Variants in SV2C observed in about 807,000 individuals in gnomAD.
SV2C encodes solute carrier family 22 member B3.
SV2C carries 49 observed loss-of-function variants against 79.7 expected under a neutral mutation model. The observed-to-expected ratio is 0.61, with a 90% CI of 0.49 to 0.78. The LOEUF (loss-of-function observed/expected upper bound fraction) is 0.78. Among genes scored for constraint, SV2C ranks in the 30% least tolerant of loss-of-function variants. SV2C has a pLI of 0.00. For missense variants in SV2C, 833 were observed against 912.9 expected (o/e 0.91, Z 1.13); for synonymous variants, 334 against 333.2 (o/e 1.00, Z -0.03).
intron 2 of SV2C, among the ~76,000 whole-genome samples, chr5:76,177,302 G>A (rs991449509): frequency 2.6e-5 from 4 of 150,988 alleles, no homozygotes; most frequent in Admixed American, 6.6e-5. Flanking sequence ...TTTCAGCAGT[G>A]TTTTGGGAAG....
Position 76,327,045 on chromosome 5 carries a change from G to A in SV2C, c.*1498G>A, listed in dbSNP as rs3733861. 0.24 allele frequency: 35,856 copies of A among 152,018 alleles called. 4,526 individuals carry two copies. The highest frequency in any genetic ancestry group is 0.42 in the East Asian group (2,171 of 5,154). 9.4% of individuals were successfully genotyped at this position (152,018 alleles called of 1,614,324 possible). ...TTGTTACTTATTATAGGCATTTTCA[G>A]GCAAGCCATAGCTTGGGGCCTCCAG... On this transcript the variant is annotated 3_prime_UTR_variant, in exon 13 of 13. Coordinates refer to ENST00000502798, the MANE Select transcript of SV2C (RefSeq NM_014979.4).
the SV2C span, among the ~76,000 whole-genome samples, chr5:76,032,746 C>T: frequency 2.6e-5 from 4 of 152,174 alleles, no homozygotes; most frequent in African/African-American, 9.7e-5. Context: ...GATTTATAAT[C>T]CTTTGGGTAT....
At chr5:75,954,849 A>C in the SV2C span, among the ~76,000 whole-genome samples, 6 of 142,854 alleles carry the variant, frequency 4.2e-5, no homozygotes, top group African/African-American at 8.6e-5. Flanking sequence ...GATGTGAAGG[A>C]CCTCTTCAAG....
At chr5:76,025,443 A>T in the SV2C span, among the ~76,000 whole-genome samples, 1 of 152,226 alleles carries the variant, frequency 6.6e-6, no homozygotes, top group African/African-American at 2.4e-5. Flanking sequence ...GCAGAAGGAA[A>T]TAAGGCTTTT....
At chr5:76,140,877 G>A (rs1243996933) in intron 2 of SV2C, among the ~76,000 whole-genome samples, 1 of 152,050 alleles carries the variant, frequency 6.6e-6, no homozygotes, top group Non-Finnish European at 1.5e-5. Flanking sequence ...TGTTGTGTAT[G>A]CACCCTCTGT....
intron 1 of SV2C, among the ~76,000 whole-genome samples, chr5:76,118,457 C>A (rs942295304): frequency 9.2e-5 from 14 of 152,110 alleles, no homozygotes; most frequent in African/African-American, 2.9e-4. Flanking sequence ...TACTACAAAC[C>A]TCAATACAAA....
intron 12 of SV2C, among the ~76,000 whole-genome samples, chr5:76,308,005 C>T (rs1748265145): frequency 6.6e-6 from 1 of 152,188 alleles, no homozygotes; most frequent in Non-Finnish European, 1.5e-5. Flanking sequence ...ATTCTAACAT[C>T]TCTGTCATAT....
At chr5:75,920,807 A>C in the SV2C span, 1 of 772,216 alleles carries the variant, frequency 1.3e-6, no homozygotes, top group Non-Finnish European at 2.4e-6. Context: ...GGGACTTGCC[A>C]GGCGAGACGT....
chr5:76,086,641 T>TAG, intron 1 of SV2C, among the ~76,000 whole-genome samples: 1 of 118,646 alleles, frequency 8.4e-6, no homozygotes, highest in Non-Finnish European at 1.7e-5. Context: ...GCCCCTGGCA[T>TAG]ATATAGTTTT....
chr5:75,968,818 T>C, the SV2C span, among the ~76,000 whole-genome samples: 3 of 152,048 alleles, frequency 2.0e-5, no homozygotes, highest in Non-Finnish European at 4.4e-5. Context: ...TCAGGAAATA[T>C]AGAGAACACC....
chr5:76,284,005 G>A (rs959354292), intron 4 of SV2C, among the ~76,000 whole-genome samples: 1 of 152,140 alleles, frequency 6.6e-6, no homozygotes, highest in South Asian at 2.1e-4. Flanking sequence ...TCACAAAAAG[G>A]CATATAAATA....
chr5:76,292,516 C>G (rs1223573825), intron 8 of SV2C, among the ~76,000 whole-genome samples: 1 of 152,150 alleles, frequency 6.6e-6, no homozygotes, highest in East Asian at 1.9e-4. Context: ...TGCCATCCAC[C>G]TATATTCCAA....
At chr5:76,151,073 A>G (rs762620731) in intron 2 of SV2C, among the ~76,000 whole-genome samples, 40 of 152,214 alleles carry the variant, frequency 2.6e-4, no homozygotes, top group Admixed American at 1.6e-3. Context: ...AAGGACTGAG[A>G]GATTCATTCT....
chr5:76,085,716 C>G (rs1268415688), intron 1 of SV2C, among the ~76,000 whole-genome samples: 1 of 151,974 alleles, frequency 6.6e-6, no homozygotes, highest in African/African-American at 2.4e-5. Flanking sequence ...TATACTAGCT[C>G]TTATGTACCT....
At chr5:75,848,693 G>A in the SV2C span, among the ~76,000 whole-genome samples, 1 of 152,140 alleles carries the variant, frequency 6.6e-6, no homozygotes, top group Non-Finnish European at 1.5e-5. Flanking sequence ...CAAGATAGGA[G>A]GGGTTGGGGG....
chr5:75,962,299 G>A, the SV2C span, among the ~76,000 whole-genome samples: 26 of 152,194 alleles, frequency 1.7e-4, no homozygotes, highest in African/African-American at 6.3e-4. Context: ...CCAGGGTAAG[G>A]ACATGTGTTG....
intron 2 of SV2C, among the ~76,000 whole-genome samples, chr5:76,168,478 A>G (rs1217966022): frequency 1.3e-5 from 2 of 152,148 alleles, no homozygotes; most frequent in East Asian, 3.9e-4. Flanking sequence ...CAAAAACAGT[A>G]GCAGAAAATG....
intron 2 of SV2C, among the ~76,000 whole-genome samples, chr5:76,194,366 G>A (rs1744201997): frequency 6.6e-6 from 1 of 152,210 alleles, no homozygotes; most frequent in Admixed American, 6.5e-5. Context: ...CTCTTATGCT[G>A]TAAATAAGAG....
intron 12 of SV2C, among the ~76,000 whole-genome samples, chr5:76,322,048 C>T (rs1748845681): frequency 6.6e-6 from 1 of 152,148 alleles, no homozygotes; most frequent in Non-Finnish European, 1.5e-5. Context: ...GAGTATTTCA[C>T]CTCCATAGTA....
Sources: allele counts gnomAD v4.1 joint callset (sites outside exome capture counted in the v4.1 genomes callset), GRCh38; gene constraint gnomAD v4.1.1; transcripts MANE v1.5; gene names NCBI Gene and HGNC (gene_info 2026-07-23, HGNC 2026-07-21).